The following CMTM4 variants were observed in gnomAD, a reference collection of about 807,000 sequenced individuals.
CMTM4 encodes CKLF like MARVEL transmembrane domain containing 4, also known as CKLF-like MARVEL transmembrane domain-containing protein 4.
CMTM4 carries 8 observed loss-of-function variants against 19.0 expected under a neutral mutation model. The ratio of observed to expected loss-of-function variants is 0.42; its 90% CI spans 0.25 to 0.76. The LOEUF (loss-of-function observed/expected upper bound fraction) is 0.76, where lower values mean the gene tolerates loss of function less well. CMTM4 is among the 30% of genes least tolerant of loss of function. The probability of loss-of-function intolerance (pLI) is 0.27; values close to 1 mark genes in which losing one functional copy is unlikely to be tolerated. For missense variants in CMTM4, 228 were observed against 290.2 expected, an observed-to-expected ratio of 0.79 and a Z score of 1.56; for synonymous variants, 106 against 121.1, an observed-to-expected ratio of 0.88 and a Z score of 0.82.
intron 1 of CMTM4, among the ~76,000 whole-genome samples, chr16:66,671,721 C>T (rs1448989283): frequency 6.6e-6 from 1 of 152,150 alleles, no homozygotes; most frequent in East Asian, 1.9e-4. Context: ...GAAAACTCTA[C>T]CCAAATAGAC....
Position 66,681,473 on chromosome 16 carries a change from C to A in CMTM4, c.186+14867G>T, listed in dbSNP as rs529276010. ...CTGGGACTACAGGCACCCGCCACCA[C>A]GCCCAGCTAATTTTTTTGTATTTTT... On this transcript the variant is annotated intron_variant, in intron 1 of 3. Coordinates refer to ENST00000394106, the MANE Select transcript of CMTM4 (RefSeq NM_181521.3). Among the ~76,000 whole-genome samples, 15 of 152,166 alleles carry A rather than the reference C, an allele frequency of 9.9e-5. No homozygotes were observed. In the South Asian group the frequency reaches 2.9e-3, roughly 29 times the overall value.
chr16:66,694,000 T>TGC (rs1477333995), intron 1 of CMTM4, among the ~76,000 whole-genome samples: 3 of 150,650 alleles, frequency 2.0e-5, no homozygotes, highest in Admixed American at 1.3e-4. Context: ...CCAGCCTGGG[T>TGC]AACAGAGTTA....
the CMTM4 span, chr16:66,609,494 C>T: frequency 3.0e-3 from 4,753 of 1,610,460 alleles, 12 homozygotes; most frequent in Non-Finnish European, 3.7e-3. The surrounding 1 kb of genome is among the most constrained non-coding windows in gnomAD (Gnocchi z 4.4). Context: ...TCACGGCCAT[C>T]GCCAAGTACT....
At chr16:66,648,427 G>A (rs1240197473) in intron 1 of CMTM4, among the ~76,000 whole-genome samples, 1 of 152,112 alleles carries the variant, frequency 6.6e-6, no homozygotes, top group African/African-American at 2.4e-5. Flanking sequence ...GGGAGGCCGA[G>A]GCTGGTGGAT....
intron 1 of CMTM4, among the ~76,000 whole-genome samples, chr16:66,685,319 G>A (rs1449558747): frequency 3.3e-5 from 5 of 151,964 alleles, no homozygotes; most frequent in South Asian, 2.1e-4. Context: ...ACAAGGATGC[G>A]AGAGTCAGTG....
chr16:66,609,579 C>G, the CMTM4 span: 6 of 1,543,614 alleles, frequency 3.9e-6, no homozygotes, highest in Non-Finnish European at 4.4e-6. The surrounding 1 kb of genome is among the most constrained non-coding windows in gnomAD (Gnocchi z 4.4). Flanking sequence ...CCCTCTAGCC[C>G]CTCATTTAGG....
intron 1 of CMTM4, among the ~76,000 whole-genome samples, chr16:66,662,675 C>T (rs1000422129): frequency 3.3e-5 from 5 of 152,076 alleles, no homozygotes; most frequent in African/African-American, 1.2e-4. Flanking sequence ...TTCCCCTGTC[C>T]TCCCACCATG....
At chr16:66,645,502 G>A (rs1455887251) in intron 1 of CMTM4, among the ~76,000 whole-genome samples, 3 of 151,540 alleles carry the variant, frequency 2.0e-5, no homozygotes, top group African/African-American at 4.9e-5. Context: ...GCTTGAACCC[G>A]GGAGGCAGAG....
At chr16:66,628,396 C>A (rs2015786877) in intron 2 of CMTM4, among the ~76,000 whole-genome samples, 1 of 152,182 alleles carries the variant, frequency 6.6e-6, no homozygotes, top group African/African-American at 2.4e-5. Context: ...TTGGACAATA[C>A]CCGGCTTTCC....
intron 1 of CMTM4, among the ~76,000 whole-genome samples, chr16:66,685,167 T>A (rs1228177695): frequency 1.3e-5 from 2 of 152,198 alleles, no homozygotes; most frequent in Non-Finnish European, 2.9e-5. Flanking sequence ...ATATATGGTC[T>A]GATGAGGCAG....
intron 1 of CMTM4, among the ~76,000 whole-genome samples, chr16:66,685,065 C>T (rs2017007554): frequency 6.6e-6 from 1 of 152,158 alleles, no homozygotes; most frequent in African/African-American, 2.4e-5. Context: ...TGTGAGCACA[C>T]GGGTACTGTC....
intron 1 of CMTM4, among the ~76,000 whole-genome samples, chr16:66,677,959 A>C (rs563438120): frequency 6.6e-6 from 1 of 152,216 alleles, no homozygotes; most frequent in Admixed American, 6.5e-5. Flanking sequence ...CAGCCTCCCA[A>C]AGTGCTGGAA....
At chr16:66,650,219 G>C (rs1271260012) in intron 1 of CMTM4, among the ~76,000 whole-genome samples, 1 of 152,108 alleles carries the variant, frequency 6.6e-6, no homozygotes. Flanking sequence ...GGCTGGAGGT[G>C]GGTGGAAGGT....
intron 1 of CMTM4, among the ~76,000 whole-genome samples, chr16:66,660,529 A>G (rs1413773163): frequency 6.6e-6 from 1 of 152,216 alleles, no homozygotes; most frequent in Non-Finnish European, 1.5e-5. Flanking sequence ...AGCAATCTGT[A>G]CTTGTAAATA....
At chr16:66,657,091 T>C (rs1264662634) in intron 1 of CMTM4, among the ~76,000 whole-genome samples, 1 of 151,626 alleles carries the variant, frequency 6.6e-6, no homozygotes, top group Non-Finnish European at 1.5e-5. Flanking sequence ...CCTGATTTTT[T>C]TTTTTTTTTT....
chr16:66,691,716 G>A (rs1424451147), intron 1 of CMTM4, among the ~76,000 whole-genome samples: 4 of 152,028 alleles, frequency 2.6e-5, no homozygotes, highest in Non-Finnish European at 5.9e-5. Context: ...AAAAAGAAAA[G>A]ATAAAATCTA....
intron 1 of CMTM4, among the ~76,000 whole-genome samples, chr16:66,640,557 CAG>C (rs1450068219): frequency 1.3e-5 from 2 of 152,126 alleles, no homozygotes; most frequent in Non-Finnish European, 2.9e-5. Flanking sequence ...ATGGAAGCAC[CAG>C]AGAGTGGCAG....
chr16:66,675,382 A>C (rs1048540094), intron 1 of CMTM4, among the ~76,000 whole-genome samples: 1 of 151,578 alleles, frequency 6.6e-6, no homozygotes, highest in African/African-American at 2.4e-5. Context: ...CCCAGCCAAC[A>C]GCCAGAATTT....
intron 1 of CMTM4, among the ~76,000 whole-genome samples, chr16:66,670,115 C>T (rs2016675535): frequency 6.6e-6 from 1 of 152,028 alleles, no homozygotes; most frequent in Non-Finnish European, 1.5e-5. Context: ...TAAAGCATAA[C>T]AAAGCATCAT....
Sources: gnomAD v4.1 joint callset for allele counts (sites outside exome capture counted in the v4.1 genomes callset) on GRCh38, gnomAD v4.1.1 for gene constraint, Gnocchi (gnomAD v3.1) non-coding constraint, MANE v1.5 for transcripts, NCBI Gene and HGNC (gene_info 2026-07-23, HGNC 2026-07-21) for gene names.